EHBP1: variants seen among roughly 807,000 people sequenced by gnomAD.
The protein encoded by EHBP1 is EH domain binding protein 1, also known as EH domain-binding protein 1.
EHBP1 carries 55 observed loss-of-function variants against 144.0 expected under a neutral mutation model. The observed-to-expected ratio is 0.38, with a 90% CI of 0.31 to 0.48. EHBP1 has a LOEUF of 0.48. Ranked by LOEUF, EHBP1 falls within the 20% of genes least tolerant of loss-of-function variation. The probability of loss-of-function intolerance (pLI) is 0.98; values close to 1 mark genes in which losing one functional copy is unlikely to be tolerated. For missense variants in EHBP1, 1,200 were observed against 1,364.2 expected, an observed-to-expected ratio of 0.88 and a Z score of 1.90; for synonymous variants, 469 against 472.7, an observed-to-expected ratio of 0.99 and a Z score of 0.10.
At chr2:62,830,761 T>C (rs1367636725) in intron 6 of EHBP1, among the ~76,000 whole-genome samples, 1 of 152,220 alleles carries the variant, frequency 6.6e-6, no homozygotes. Context: ...TTCTAGAATT[T>C]TTATGGCTTC....
intron 1 of EHBP1, among the ~76,000 whole-genome samples, chr2:62,677,349 ATT>A (rs2151721510): frequency 6.6e-6 from 1 of 152,190 alleles, no homozygotes; most frequent in East Asian, 1.9e-4. Flanking sequence ...AATTTTTTTA[ATT>A]TTAATTTTTA....
intron 13 of EHBP1, among the ~76,000 whole-genome samples, chr2:62,955,165 ACT>A (rs1289706837): frequency 1.3e-5 from 2 of 152,022 alleles, no homozygotes; most frequent in Non-Finnish European, 2.9e-5. Context: ...TAAAAATAAA[ACT>A]CTGAACTTTA....
intron 10 of EHBP1, among the ~76,000 whole-genome samples, chr2:62,915,323 G>A (rs936354834): frequency 2.0e-5 from 3 of 152,074 alleles, no homozygotes; most frequent in Non-Finnish European, 4.4e-5. Flanking sequence ...AAAGTGAAGA[G>A]CTACCATTTA....
At chr2:62,808,990 G>T (rs2152522460) in intron 5 of EHBP1, among the ~76,000 whole-genome samples, 1 of 152,258 alleles carries the variant, frequency 6.6e-6, no homozygotes, top group South Asian at 2.1e-4. Flanking sequence ...CTTGAGGGCA[G>T]ACCTTGGTAA....
chr2:63,031,982 T>C (rs966539918), intron 19 of EHBP1, among the ~76,000 whole-genome samples: 1 of 151,970 alleles, frequency 6.6e-6, no homozygotes, highest in East Asian at 1.9e-4. Context: ...TATAAATAAT[T>C]TTATCAGTTA....
rs552324010 is a variant in EHBP1, at chr2:62,812,146, CT to C, written c.313-13938del. Among the ~76,000 whole-genome samples, 19 of 152,310 alleles carry C rather than the reference CT, an allele frequency of 1.2e-4. No individual in the cohort carries two copies. The East Asian group carries it at 3.7e-3, about 29-fold the overall frequency. On this transcript the variant is annotated intron_variant, in intron 5 of 22. Coordinates refer to ENST00000431489, the MANE Select transcript of EHBP1 (RefSeq NM_001142616.3). ...AGCTCTCTTGCCCTTCCACCTTTCA[CT>C]TTGCGATAATGCAACAAGAAACCCC... is the stretch of plus-strand genomic sequence containing the variant.
chr2:62,761,103 T>A (rs1309975298), intron 3 of EHBP1, among the ~76,000 whole-genome samples: 1 of 152,144 alleles, frequency 6.6e-6, no homozygotes, highest in Non-Finnish European at 1.5e-5. Flanking sequence ...GAATTAAGTA[T>A]GTGGAGTTTT....
At chr2:63,033,624 A>T (rs1487362616) in intron 19 of EHBP1, among the ~76,000 whole-genome samples, 1 of 152,176 alleles carries the variant, frequency 6.6e-6, no homozygotes, top group Non-Finnish European at 1.5e-5. Flanking sequence ...TAATGAGAAG[A>T]CAGTTTTTAA....
intron 5 of EHBP1, among the ~76,000 whole-genome samples, chr2:62,794,967 C>G (rs951421702): frequency 6.6e-6 from 1 of 151,722 alleles, no homozygotes; most frequent in African/African-American, 2.4e-5. Context: ...AACACTAACA[C>G]AAGTTGGTTC....
chr2:62,938,541 T>C (rs1015772922), intron 10 of EHBP1, among the ~76,000 whole-genome samples: 1 of 152,232 alleles, frequency 6.6e-6, no homozygotes, highest in Non-Finnish European at 1.5e-5. Context: ...TAGGTAGCTT[T>C]ATTACCGTTC....
chr2:62,903,986 A>G (rs779255408), intron 10 of EHBP1, among the ~76,000 whole-genome samples: 4 of 152,228 alleles, frequency 2.6e-5, no homozygotes, highest in Non-Finnish European at 5.9e-5. Context: ...AAATCTAAGA[A>G]ATAATTACTT....
intron 7 of EHBP1, among the ~76,000 whole-genome samples, chr2:62,841,278 G>A (rs1223420872): frequency 6.8e-6 from 1 of 147,354 alleles, no homozygotes; most frequent in African/African-American, 2.5e-5. Context: ...CTCATAGGTG[G>A]GAACTGAACA....
chr2:62,879,017 C>T (rs890846151), intron 10 of EHBP1, among the ~76,000 whole-genome samples: 1 of 72,272 alleles, frequency 1.4e-5, no homozygotes, highest in East Asian at 4.3e-4. Context: ...GACGCTGTCT[C>T]AAAAAAAAAA....
At chr2:63,044,935 C>A in intron 21 of EHBP1, 131 bp from the exon 22 acceptor site, 1 of 656,358 alleles carries the variant, frequency 1.5e-6, no homozygotes, top group Non-Finnish European at 2.6e-6. Context: ...CCCCAGAAAA[C>A]ACTAGCTAGT....
chr2:62,800,143 C>T (rs2043870788), intron 5 of EHBP1, among the ~76,000 whole-genome samples: 1 of 152,124 alleles, frequency 6.6e-6, no homozygotes, highest in Admixed American at 6.6e-5. Flanking sequence ...TGTCCCTTGT[C>T]CTTTTTTGTA....
intron 1 of EHBP1, among the ~76,000 whole-genome samples, chr2:62,683,012 G>T (rs2033585386): frequency 6.6e-6 from 1 of 152,158 alleles, no homozygotes; most frequent in Admixed American, 6.5e-5. Context: ...ATATTAGGAT[G>T]CTTTCAGTTG....
chr2:62,718,323 T>G (rs2035883549), intron 2 of EHBP1, among the ~76,000 whole-genome samples: 1 of 152,232 alleles, frequency 6.6e-6, no homozygotes, highest in African/African-American at 2.4e-5. Flanking sequence ...GCTATTTACA[T>G]CTAAATTTAA....
At chr2:62,903,617 T>G (rs529908111) in intron 10 of EHBP1, among the ~76,000 whole-genome samples, 3 of 152,120 alleles carry the variant, frequency 2.0e-5, no homozygotes, top group East Asian at 3.9e-4. Flanking sequence ...TTTTTAAAAA[T>G]TAGCTAAGTA....
chr2:62,841,896 T>C (rs1283110537), intron 7 of EHBP1, among the ~76,000 whole-genome samples: 1 of 152,108 alleles, frequency 6.6e-6, no homozygotes, highest in East Asian at 1.9e-4. Flanking sequence ...CAAAATACCT[T>C]AGGTTGGGTA....
Sources: gnomAD v4.1 joint callset for allele counts (sites outside exome capture counted in the v4.1 genomes callset) on GRCh38, gnomAD v4.1.1 for gene constraint, MANE v1.5 for transcripts, NCBI Gene and HGNC (gene_info 2026-07-23, HGNC 2026-07-21) for gene names.